Variants in KHDRBS2 observed in about 807,000 individuals in gnomAD.
KHDRBS2 encodes KH RNA binding domain containing, signal transduction associated 2, also known as KH domain-containing, RNA-binding, signal transduction-associated protein 2.
In KHDRBS2, 26 loss-of-function variants were observed where a neutral mutation model predicts 44.3. That is an observed-to-expected ratio of 0.59 (90% confidence interval 0.43 to 0.81). The LOEUF is 0.81. Ranked by LOEUF, KHDRBS2 falls within the 40% of genes least tolerant of loss-of-function variation. The probability of loss-of-function intolerance (pLI) is 0.00; values close to 1 mark genes in which losing one functional copy is unlikely to be tolerated. For missense variants in KHDRBS2, 476 were observed against 433.1 expected (o/e 1.10, Z -0.88); for synonymous variants, 194 against 151.1 (o/e 1.28, Z -2.08).
intron 6 of KHDRBS2, among the ~76,000 whole-genome samples, chr6:61,747,861 ATGT>A (rs1777088020): frequency 6.6e-6 from 1 of 152,140 alleles, no homozygotes; most frequent in African/African-American, 2.4e-5. Context: ...TTTTCCCAGA[ATGT>A]TGTTTTCTAT....
intron 2 of KHDRBS2, among the ~76,000 whole-genome samples, chr6:62,143,731 A>G (rs1813346736): frequency 6.6e-6 from 1 of 151,828 alleles, no homozygotes; most frequent in Non-Finnish European, 1.5e-5. Context: ...GACTTAGAAC[A>G]GATTGTAGTA....
chr6:62,134,085 T>A (rs1375846883), intron 2 of KHDRBS2, among the ~76,000 whole-genome samples: 1 of 152,112 alleles, frequency 6.6e-6, no homozygotes, highest in African/African-American at 2.4e-5. Context: ...AGGAGCCAAA[T>A]GTTAATCGCT....
At chr6:62,267,590 G>A (rs1194171292) in intron 1 of KHDRBS2, among the ~76,000 whole-genome samples, 1 of 151,970 alleles carries the variant, frequency 6.6e-6, no homozygotes, top group East Asian at 1.9e-4. Context: ...AATAGAAAGT[G>A]GAGCACGTAA....
the KHDRBS2 span, among the ~76,000 whole-genome samples, chr6:61,637,904 G>C: frequency 0.01 from 1,576 of 152,094 alleles, 9 homozygotes; most frequent in Non-Finnish European, 0.016. Context: ...TTGTAAATTT[G>C]TTTGAGTTCA....
chr6:62,286,071 T>C lies in KHDRBS2; in HGVS notation c.-123A>G. On this transcript the variant is annotated 5_prime_UTR_variant, in exon 1 of 9. Coordinates refer to ENST00000281156, the MANE Select transcript of KHDRBS2 (RefSeq NM_152688.4). Reference sequence around the variant, plus strand: ...TCCTCCGCGCGGCGAGGGATCTCTGTGCGTCCTCACTGGCCCATGCACCCA... The same window carrying C: ...TCCTCCGCGCGGCGAGGGATCTCTGCGCGTCCTCACTGGCCCATGCACCCA... 1.4e-6 allele frequency: 1 copy of C among 691,714 alleles called. No homozygotes were observed. Among genetic ancestry groups the C allele is most frequent in the Non-Finnish European group, 2.6e-6 (1 of 386,712 alleles). The allele number at this position is 691,714 out of a possible 1,614,324, so 42.8% of individuals were successfully genotyped here.
At chr6:62,265,571 G>C (rs1839065294) in intron 1 of KHDRBS2, among the ~76,000 whole-genome samples, 1 of 151,970 alleles carries the variant, frequency 6.6e-6, no homozygotes, top group Non-Finnish European at 1.5e-5. Flanking sequence ...TTAAGAAAAT[G>C]AATCAGCTAA....
the KHDRBS2 span, among the ~76,000 whole-genome samples, chr6:61,606,401 C>A: frequency 6.6e-6 from 1 of 152,168 alleles, no homozygotes; most frequent in Admixed American, 6.5e-5. Flanking sequence ...CAAGGGAAAT[C>A]TTCCCTTTTG....
chr6:62,172,181 C>T (rs1820142008), intron 2 of KHDRBS2, among the ~76,000 whole-genome samples: 1 of 152,032 alleles, frequency 6.6e-6, no homozygotes, highest in Non-Finnish European at 1.5e-5. Flanking sequence ...TGAAGAGACC[C>T]ATCTCACATG....
chr6:62,264,590 A>G (rs1240790996), intron 1 of KHDRBS2, among the ~76,000 whole-genome samples: 3 of 151,734 alleles, frequency 2.0e-5, no homozygotes, highest in Non-Finnish European at 4.4e-5. Context: ...TCTTTTTGCA[A>G]GAATTCACAA....
At chr6:61,688,061 A>G (rs908773269) in intron 8 of KHDRBS2, among the ~76,000 whole-genome samples, 1 of 151,888 alleles carries the variant, frequency 6.6e-6, no homozygotes, top group Admixed American at 6.6e-5. Flanking sequence ...ATCATCCATT[A>G]ATAATTGAAA....
At chr6:61,893,397 G>A (rs528833264) in intron 6 of KHDRBS2, among the ~76,000 whole-genome samples, 44 of 152,248 alleles carry the variant, frequency 2.9e-4, no homozygotes, top group African/African-American at 1.0e-3. Flanking sequence ...TCCCATTACT[G>A]GGTATATACC....
chr6:62,153,308 T>C (rs1285794793), intron 2 of KHDRBS2, among the ~76,000 whole-genome samples: 1 of 152,190 alleles, frequency 6.6e-6, no homozygotes, highest in Non-Finnish European at 1.5e-5. Context: ...CCTTAATGTC[T>C]GTTTATTGTA....
chr6:61,848,719 G>A (rs534547680), intron 6 of KHDRBS2, among the ~76,000 whole-genome samples: 17 of 147,680 alleles, frequency 1.2e-4, no homozygotes, highest in African/African-American at 2.5e-4. Context: ...GGCCTACCTC[G>A]AAATACTGCA....
chr6:61,794,996 G>A (rs1353708264), intron 6 of KHDRBS2, among the ~76,000 whole-genome samples: 7 of 151,526 alleles, frequency 4.6e-5, no homozygotes, highest in Non-Finnish European at 8.8e-5. Context: ...AAAATTAGCT[G>A]GGCATGGTGG....
intron 2 of KHDRBS2, among the ~76,000 whole-genome samples, chr6:62,077,916 C>G (rs1353608026): frequency 1.3e-5 from 2 of 152,012 alleles, no homozygotes; most frequent in Non-Finnish European, 2.9e-5. Context: ...AGCATCTCCT[C>G]TGATTTAAAA....
At chr6:61,771,421 T>C (rs891520293) in intron 6 of KHDRBS2, among the ~76,000 whole-genome samples, 23 of 152,164 alleles carry the variant, frequency 1.5e-4, no homozygotes, top group African/African-American at 5.5e-4. Context: ...GACTCATCAG[T>C]GTGCTGTACT....
the KHDRBS2 span, among the ~76,000 whole-genome samples, chr6:61,604,913 A>C: frequency 6.6e-6 from 1 of 152,128 alleles, no homozygotes; most frequent in Non-Finnish European, 1.5e-5. Context: ...ATACAGTCCA[A>C]TAATGGACTG....
chr6:61,910,811 T>A (rs1805918169), intron 4 of KHDRBS2, among the ~76,000 whole-genome samples: 1 of 152,198 alleles, frequency 6.6e-6, no homozygotes, highest in Non-Finnish European at 1.5e-5. Context: ...AACGACAGAT[T>A]TGACTTGTAA....
In KHDRBS2 at chr6:61,787,272, T is replaced by C. The variant is rs546137116; in HGVS notation, c.811-54508A>G. Among the ~76,000 whole-genome samples the C allele has an allele frequency of 1.6e-4, 24 of 151,748 alleles. No individual in the cohort carries two copies. The South Asian group carries it at 3.1e-3, about 20-fold the overall frequency. ...TTGACCTTATCGCTTATTATCTCTT[T>C]AGTTCACATTTTTAGAAATAAAATT... On this transcript the variant is annotated intron_variant, in intron 6 of 8. Coordinates refer to ENST00000281156, the MANE Select transcript of KHDRBS2 (RefSeq NM_152688.4).
Sources: gnomAD v4.1 joint callset for allele counts (sites outside exome capture counted in the v4.1 genomes callset) on GRCh38, gnomAD v4.1.1 for gene constraint, MANE v1.5 for transcripts, NCBI Gene and HGNC (gene_info 2026-07-23, HGNC 2026-07-21) for gene names.